Variants in PMS2 observed in about 807,000 individuals in gnomAD.
PMS2 encodes the protein mismatch repair endonuclease PMS2.
A neutral mutation model predicts 90.0 loss-of-function variants in PMS2; 69 were observed. The observed-to-expected ratio is 0.77, with a 90% CI of 0.63 to 0.94. The LOEUF is 0.94. Ranked by LOEUF, PMS2 falls within the 40% of genes least tolerant of loss-of-function variation. The pLI is 0.00. For missense variants in PMS2, 966 were observed against 1,040.2 expected (o/e 0.93, Z 0.98); for synonymous variants, 332 against 375.1 (o/e 0.89, Z 1.33).
intron 5 of PMS2, 56 bp from the exon 6 acceptor site, chr7:5,999,331 C>T (rs2128803040): frequency 1.3e-6 from 2 of 1,485,998 alleles, no homozygotes; most frequent in Non-Finnish European, 1.9e-6. Context: ...ATAGGAATTA[C>T]ACAGCTCAAG....
chr7:5,988,396 T>C (rs1257088772), intron 10 of PMS2, among the ~76,000 whole-genome samples: 1 of 150,338 alleles, frequency 6.7e-6, no homozygotes, highest in Non-Finnish European at 1.5e-5. Context: ...CTACTAAAAA[T>C]ACAAAAAAAA....
At chr7:5,984,599 A>G (rs1023207921) in intron 11 of PMS2, among the ~76,000 whole-genome samples, 3 of 151,612 alleles carry the variant, frequency 2.0e-5, no homozygotes, top group Admixed American at 6.6e-5. Context: ...AGCCTGGCCA[A>G]CATGGTGAAA....
chr7:5,976,151 G>A (rs1274078374), intron 14 of PMS2, among the ~76,000 whole-genome samples: 6 of 140,798 alleles, frequency 4.3e-5, no homozygotes, highest in East Asian at 2.8e-4. Context: ...CAGGAGAATC[G>A]CTTGAACCTG....
Position 5,978,655 on chromosome 7 carries a change from A to G in PMS2, c.2216T>C (p.Leu739Pro). Residue 739 changes from leucine (L) to proline (P), a missense_variant, in exon 13 of 15, where the codon CTG becomes CCG. By Grantham distance (98) the Leu-to-Pro change is moderately conservative. Coordinates refer to ENST00000265849, the MANE Select transcript of PMS2 (RefSeq NM_000535.7). ...TCTAAATATTTCCAGATTTTCTATCAGAACAGCTTCATTAACAGCAGTTAA... is the reference window on the plus strand; with the variant it reads ...TCTAAATATTTCCAGATTTTCTATCGGAACAGCTTCATTAACAGCAGTTAA... ...LNLTAVNEAV[L>P]IENLEIFRKN... 1 of 1,603,826 alleles carries G rather than the reference A, an allele frequency of 6.2e-7. No homozygotes were observed. Among genetic ancestry groups the G allele is most frequent in the South Asian group, 1.1e-5 (1 of 90,594 alleles).
In PMS2 at chr7:5,972,735, A is replaced by G. The variant is rs1383936404; in HGVS notation, c.*664T>C. Among the ~76,000 whole-genome samples the G allele has an allele frequency of 1.0e-5, 1 of 99,100 alleles. No individual in the cohort carries two copies. The highest frequency in any genetic ancestry group is 4.9e-5 in the African/African-American group (1 of 20,580). The allele number at this position is 99,100 out of a possible 152,430, so 65.0% of individuals were successfully genotyped here. A position where few individuals can be genotyped will look rare whatever the true frequency, so the allele number is the denominator to read the frequency against. On this transcript the variant is annotated 3_prime_UTR_variant, in exon 15 of 15. Transcript: ENST00000265849. ...TTTAAATTTATGAAATTAAACAAAG[A>G]TGAATTTAATTATCATTAAGGGTTG...
intron 11 of PMS2, among the ~76,000 whole-genome samples, chr7:5,983,323 C>A (rs1021958801): frequency 6.6e-6 from 1 of 151,474 alleles, no homozygotes. Flanking sequence ...GTTGGTCAGG[C>A]TGGTCTCGAA....
rs1784281248 is a variant in PMS2 at position 5,995,453 on chromosome 7, A to G, written c.903+81T>C. ...TTCTCAAAGTCCCGAGCTCCACGTAAACTGCCTATTATCAGAAAAAAGTTA... is the reference window on the plus strand; with the variant it reads ...TTCTCAAAGTCCCGAGCTCCACGTAGACTGCCTATTATCAGAAAAAAGTTA... On this transcript the variant is annotated intron_variant, in intron 8 of 14. Coordinates refer to ENST00000265849, the MANE Select transcript of PMS2 (RefSeq NM_000535.7). The G allele has an allele frequency of 7.1e-6, 6 of 848,256 alleles. No individual in the cohort carries two copies. In the South Asian group the frequency reaches 8.0e-5, roughly 11 times the overall value. The allele number at this position is 848,256 out of a possible 1,614,324, so 52.5% of individuals were successfully genotyped here.
At chr7:5,987,817 G>A (rs939656626) in intron 10 of PMS2, among the ~76,000 whole-genome samples, 197 bp from the exon 11 acceptor site, 12 of 152,134 alleles carry the variant, frequency 7.9e-5, no homozygotes, top group African/African-American at 2.9e-4. Flanking sequence ...CACTTTAGGA[G>A]GCCAAGGCAG....
At chr7:5,991,811 C>T (rs1416700354) in intron 9 of PMS2, among the ~76,000 whole-genome samples, 162 bp downstream of exon 9, 1 of 152,062 alleles carries the variant, frequency 6.6e-6, no homozygotes, top group Admixed American at 6.6e-5. Flanking sequence ...CACACTCCAG[C>T]CTGGGTGACA....
chr7:6,003,306 G>GATATATATAT (rs10595058), intron 4 of PMS2: 14 of 138,256 alleles, frequency 1.0e-4, no homozygotes, highest in African/African-American at 3.3e-4. Flanking sequence ...AAAAAAAAAA[G>GATATATATAT]ATATATATAT....
chr7:5,992,044 A>G lies in PMS2; in HGVS notation c.917T>C (p.Val306Ala), dbSNP rs786201878. Residue 306 changes from valine to alanine, a missense_variant, in exon 9 of 15, where the codon GTG becomes GCG. Physicochemically the swap from Val to Ala is moderately conservative, Grantham distance 64. Coordinates refer to ENST00000265849, the MANE Select transcript of PMS2 (RefSeq NM_000535.7). The part of the protein sequence containing the change: ...PCDPAKVCRL[V>A]NEVYHMYNRH... ...ATTATACATGTGGTAGACCTCATTC[A>G]CGAGTCTGCAGACCTGCACAAAATA... 23 of 1,578,978 alleles carry G rather than the reference A, an allele frequency of 1.5e-5. No homozygotes were observed. The highest frequency in any genetic ancestry group is 1.9e-5 in the Non-Finnish European group (22 of 1,148,298).
intron 12 of PMS2, 110 bp from the exon 13 acceptor site, chr7:5,978,806 A>G (rs1782005873): frequency 7.8e-7 from 1 of 1,279,926 alleles, no homozygotes; most frequent in East Asian, 2.6e-5. Context: ...TGTCAAAATA[A>G]CAACACAAAT....
chr7:5,988,347 G>C (rs1783311805), intron 10 of PMS2, among the ~76,000 whole-genome samples: 1 of 152,038 alleles, frequency 6.6e-6, no homozygotes, highest in Non-Finnish European at 1.5e-5. Context: ...GAGGTCAGGA[G>C]TTCAAGACCA....
Position 5,987,357 on chromosome 7 carries a change from G to A in PMS2, c.1408C>T (p.Pro470Ser), listed in dbSNP as rs1805321. Reference sequence around the variant, plus strand: ...CTGGAACTCACTGCCTCTTTCTGAGGTCTCAGGACGCCTTTGTCAGAGATG... The same window carrying A: ...CTGGAACTCACTGCCTCTTTCTGAGATCTCAGGACGCCTTTGTCAGAGATG... Reference protein sequence around the residue: ...GAISDKGVLRPQKEAVSSSHG... With the variant: ...GAISDKGVLRSQKEAVSSSHG... The change falls in exon 11 of 15, where the codon CCT becomes TCT. Residue 470 changes from proline (P) to serine (S), a missense_variant. Physicochemically the swap from Pro to Ser is moderately conservative, Grantham distance 74. Transcript: ENST00000265849. 644,060 of 1,613,638 alleles carry A rather than the reference G, an allele frequency of 0.4. 130,152 individuals are homozygous for A. The highest frequency in any genetic ancestry group is 0.45 in the Middle Eastern group (2,733 of 6,060).
intron 1 of PMS2, among the ~76,000 whole-genome samples, chr7:6,008,728 CCTGT>C (rs987325382): frequency 3.7e-4 from 56 of 149,674 alleles, no homozygotes; most frequent in Non-Finnish European, 6.0e-4. Flanking sequence ...GTGGGCAAGG[CCTGT>C]CTGGGACAGG....
intron 4 of PMS2, chr7:6,003,463 T>C (rs1025773627): frequency 2.2e-5 from 12 of 540,328 alleles, no homozygotes; most frequent in African/African-American, 1.7e-4. Flanking sequence ...GAATTACTGT[T>C]TTAATAAGGG....
At chr7:5,989,996 A>C (rs1438709194) in intron 9 of PMS2, 41 bp from the exon 10 acceptor site, 2 of 1,291,262 alleles carry the variant, frequency 1.5e-6, no homozygotes, top group Non-Finnish European at 2.2e-6. Context: ...GTTTAAATTC[A>C]CTTTTATTTT....
intron 13 of PMS2, among the ~76,000 whole-genome samples, chr7:5,978,135 T>G (rs1156594650): frequency 2.0e-5 from 3 of 149,388 alleles, no homozygotes; most frequent in African/African-American, 7.4e-5. Flanking sequence ...AAAAAAAAAG[T>G]GAACACCTGA....
intron 12 of PMS2, among the ~76,000 whole-genome samples, chr7:5,979,530 T>C (rs559110825): frequency 6.7e-6 from 1 of 150,202 alleles, no homozygotes; most frequent in South Asian, 2.1e-4. Flanking sequence ...CTCCTTCTAA[T>C]ACAGAATTTG....
Sources: gnomAD v4.1 joint callset for allele counts (sites outside exome capture counted in the v4.1 genomes callset) on GRCh38, gnomAD v4.1.1 for gene constraint, MANE v1.5 for transcripts, NCBI Gene and HGNC (gene_info 2026-07-23, HGNC 2026-07-21) for gene names.